SPATA6: variants seen among roughly 807,000 people sequenced by gnomAD.
The protein encoded by SPATA6 is spermatogenesis-associated protein 6.
In SPATA6, 56 loss-of-function variants were observed where a neutral mutation model predicts 65.3. That is an observed-to-expected ratio of 0.86 (90% CI 0.69 to 1.07). The LOEUF (loss-of-function observed/expected upper bound fraction) is 1.07. SPATA6 is among the 50% of genes least tolerant of loss of function. The pLI, the probability that SPATA6 is intolerant of heterozygous loss-of-function variation, is 0.00. For missense variants in SPATA6, 590 were observed against 594.8 expected, an observed-to-expected ratio of 0.99 and a Z score of 0.08; for synonymous variants, 199 against 213.2, an observed-to-expected ratio of 0.93 and a Z score of 0.58.
chr1:48,359,875 A>C (rs1178981033), intron 9 of SPATA6, 105 bp from the exon 10 acceptor site: 2 of 811,554 alleles, frequency 2.5e-6, no homozygotes, highest in Non-Finnish European at 3.5e-6. Flanking sequence ...GCATGTGCAC[A>C]CACACACTAA....
chr1:48,263,606 C>T, the SPATA6 span, among the ~76,000 whole-genome samples: 1 of 152,110 alleles, frequency 6.6e-6, no homozygotes, highest in Non-Finnish European at 1.5e-5. Flanking sequence ...TGCAATTCGA[C>T]CTGTCCTTCA....
chr1:48,314,892 C>A (rs562618300), intron 11 of SPATA6, among the ~76,000 whole-genome samples: 1 of 152,212 alleles, frequency 6.6e-6, no homozygotes, highest in South Asian at 2.1e-4. Flanking sequence ...ATACAAACTA[C>A]CATCAGAGAA....
At chr1:48,322,841 T>C (rs1190685335) in intron 11 of SPATA6, among the ~76,000 whole-genome samples, 1 of 152,166 alleles carries the variant, frequency 6.6e-6, no homozygotes, top group Admixed American at 6.5e-5. Flanking sequence ...CATTGGTCAT[T>C]AGAGAAATGC....
intron 11 of SPATA6, among the ~76,000 whole-genome samples, chr1:48,308,470 T>C (rs919887994): frequency 6.6e-6 from 1 of 152,182 alleles, no homozygotes; most frequent in Non-Finnish European, 1.5e-5. Context: ...AAATCAGATA[T>C]AAGAACTAAA....
chr1:48,436,303 T>A, intron 3 of SPATA6: 1 of 1,613,370 alleles, frequency 6.2e-7, no homozygotes. Flanking sequence ...TCTATCCCAC[T>A]TTTTCCGGCA....
chr1:48,369,204 T>A (rs1402339563), intron 9 of SPATA6, among the ~76,000 whole-genome samples: 1 of 152,194 alleles, frequency 6.6e-6, no homozygotes, highest in African/African-American at 2.4e-5. Context: ...CTGCCCCTAC[T>A]GGGAGGTGCC....
At chr1:48,471,907 AG>A in intron 1 of SPATA6, 50 bp downstream of exon 1, 1 of 1,598,414 alleles carries the variant, frequency 6.3e-7, no homozygotes, top group Non-Finnish European at 8.5e-7. Context: ...GAGGTGACTG[AG>A]GGAGTCCCTG....
rs897025305 is a variant in SPATA6 at position 48,306,733 on chromosome 1, A to T, written c.1195-855T>A. On this transcript the variant is annotated intron_variant, in intron 11 of 12. Transcript: ENST00000371847. ...AGCTGAATGCACATTGTGAAGAAAA[A>T]TGATTTTAAAAATTTGCTGATGGCA... 3.3e-5 allele frequency among the ~76,000 whole-genome samples: 5 copies of T among 152,084 alleles called. No individual in the cohort carries two copies. The South Asian group carries it at 1.0e-3, about 31-fold the overall frequency.
intron 6 of SPATA6, among the ~76,000 whole-genome samples, chr1:48,401,369 T>A (rs1180930377): frequency 1.3e-5 from 2 of 152,080 alleles, no homozygotes; most frequent in African/African-American, 2.4e-5. Context: ...CTAGAGAAAG[T>A]TATAAATTAC....
intron 11 of SPATA6, among the ~76,000 whole-genome samples, chr1:48,318,611 A>G (rs929039121): frequency 6.6e-6 from 1 of 152,190 alleles, no homozygotes; most frequent in Non-Finnish European, 1.5e-5. Flanking sequence ...CATATTTCAT[A>G]TAAGATGACA....
At chr1:48,330,390 T>C (rs1254513310) in intron 11 of SPATA6, among the ~76,000 whole-genome samples, 1 of 151,934 alleles carries the variant, frequency 6.6e-6, no homozygotes, top group Non-Finnish European at 1.5e-5. Context: ...AGCTGGAGGG[T>C]GCGGCTTCCA....
chr1:48,346,487 A>G (rs905819311), intron 11 of SPATA6, among the ~76,000 whole-genome samples: 4 of 151,986 alleles, frequency 2.6e-5, no homozygotes, highest in Non-Finnish European at 5.9e-5. Context: ...CAATCAGACG[A>G]GAGAAAGACA....
Position 48,399,583 on chromosome 1 carries a change from G to C in SPATA6, c.548C>G (p.Thr183Arg). 1 of 1,612,446 alleles carries C rather than the reference G, an allele frequency of 6.2e-7. No individual in the cohort carries two copies. The highest frequency in any genetic ancestry group is 8.5e-7 in the Non-Finnish European group (1 of 1,179,084). The change falls in exon 7 of 13, where the codon ACA becomes AGA. Residue 183 changes from threonine to arginine, a missense_variant. Thr to Arg is a moderately conservative substitution (Grantham distance 71, BLOSUM62 -1). Coordinates refer to ENST00000371847, the MANE Select transcript of SPATA6 (RefSeq NM_019073.4). ...GGATTTTTTCTTTTGTGATCTTGAT[G>C]TTCTGTTTTGCAGTCTGCCATGTGA... ...EKSHGRLQNRTSRSQKKKSKS... is the reference protein window; with the variant it reads ...EKSHGRLQNRRSRSQKKKSKS...
At chr1:48,386,041 G>T (rs1470814295) in intron 8 of SPATA6, among the ~76,000 whole-genome samples, 1 of 152,068 alleles carries the variant, frequency 6.6e-6, no homozygotes, top group Admixed American at 6.5e-5. Flanking sequence ...CAAACAAGCA[G>T]GGGTTCAATT....
intron 2 of SPATA6, among the ~76,000 whole-genome samples, chr1:48,452,193 T>C (rs116706234): frequency 1.5e-3 from 222 of 151,002 alleles, no homozygotes; most frequent in African/African-American, 5.1e-3. Context: ...GTCCACAGAA[T>C]AGAGTAGGTT....
intron 3 of SPATA6, among the ~76,000 whole-genome samples, chr1:48,425,176 G>C (rs544616529): frequency 1.6e-4 from 24 of 152,160 alleles, no homozygotes; most frequent in Non-Finnish European, 2.9e-4. Context: ...TATATGGTGA[G>C]AGATAGGGAA....
intron 3 of SPATA6, among the ~76,000 whole-genome samples, chr1:48,431,499 T>C (rs1654400557): frequency 6.6e-6 from 1 of 152,164 alleles, no homozygotes; most frequent in African/African-American, 2.4e-5. Flanking sequence ...ATGGGGTATA[T>C]ATGGGGCATT....
intron 12 of SPATA6, among the ~76,000 whole-genome samples, chr1:48,303,857 C>A (rs1290937655): frequency 6.6e-6 from 1 of 152,080 alleles, no homozygotes; most frequent in African/African-American, 2.4e-5. Context: ...TTGTTTTTGA[C>A]AATTCTGTTC....
chr1:48,429,053 C>T (rs1340981061), intron 3 of SPATA6, among the ~76,000 whole-genome samples: 3 of 151,616 alleles, frequency 2.0e-5, no homozygotes, highest in South Asian at 2.1e-4. Context: ...AACAGCTACC[C>T]AACCCTCAAA....
Sources: allele counts gnomAD v4.1 joint callset (sites outside exome capture counted in the v4.1 genomes callset), GRCh38; gene constraint gnomAD v4.1.1; transcripts MANE v1.5; gene names NCBI Gene and HGNC (gene_info 2026-07-23, HGNC 2026-07-21).